Variants in CNTNAP2 observed in about 807,000 individuals in gnomAD.
CNTNAP2 encodes contactin associated protein 2, also known as contactin-associated protein-like 2.
CNTNAP2 carries 98 observed loss-of-function variants against 155.2 expected under a neutral mutation model. The observed-to-expected ratio is 0.63, with a 90% CI of 0.54 to 0.75. The LOEUF is 0.75. Ranked by LOEUF, CNTNAP2 falls within the 30% of genes least tolerant of loss-of-function variation. CNTNAP2 has a pLI of 0.00. For missense variants in CNTNAP2, 1,727 were observed against 1,688.1 expected (o/e 1.02, Z -0.40); for synonymous variants, 651 against 631.2 (o/e 1.03, Z -0.47).
chr7:146,637,019 T>A (rs1471163445), intron 1 of CNTNAP2, among the ~76,000 whole-genome samples: 6 of 152,196 alleles, frequency 3.9e-5, no homozygotes, highest in African/African-American at 1.4e-4. Flanking sequence ...AAATCTAATA[T>A]GGTATTCACA....
intron 4 of CNTNAP2, among the ~76,000 whole-genome samples, chr7:147,083,875 T>A (rs1035181075): frequency 1.4e-5 from 2 of 139,124 alleles, no homozygotes; most frequent in African/African-American, 5.3e-5. Context: ...ATGTACATAT[T>A]ATATACATAT....
chr7:146,514,662 G>GC (rs1554442811), intron 1 of CNTNAP2, among the ~76,000 whole-genome samples: 1 of 146,084 alleles, frequency 6.8e-6, no homozygotes, highest in Non-Finnish European at 1.5e-5. Context: ...AAAGAGTTTT[G>GC]TTTTTTTTTT....
In CNTNAP2 at chr7:148,417,242, G is replaced by A. The variant is rs1006113300; in HGVS notation, c.*1626G>A. 1.3e-5 allele frequency: 2 copies of A among 152,368 alleles called. No individual in the cohort carries two copies. Among genetic ancestry groups the A allele is most frequent in the African/African-American group, 4.8e-5 (2 of 41,392 alleles). 9.4% of individuals were successfully genotyped at this position (152,368 alleles called of 1,614,324 possible). A position where few individuals can be genotyped will look rare whatever the true frequency, so the allele number is the denominator to read the frequency against. ...ATAAAATGGAAATTCTAGTTTGTTA[G>A]AATTATGCATTCTTTTTCAAGATTC... On this transcript the variant is annotated 3_prime_UTR_variant, in exon 24 of 24. Transcript: ENST00000361727.
Position 147,654,827 on chromosome 7 carries a change from T to TTTTC in CNTNAP2, c.2098+15524_2098+15525insCTTT, listed in dbSNP as rs1219118593. On this transcript the variant is annotated intron_variant, in intron 13 of 23. Transcript: ENST00000361727. Reference sequence around the variant, plus strand: ...ATATTTCTTTTTTTTTTTTTTTTTTTTTTTGAGACTGAGTCTCACTCTGTC... The same window carrying TTTTC: ...ATATTTCTTTTTTTTTTTTTTTTTTTTTTCTTTTGAGACTGAGTCTCACTCTGTC... 4.5e-3 allele frequency among the ~76,000 whole-genome samples: 640 copies of TTTTC among 142,964 alleles called. 12 individuals are homozygous for TTTTC. Among genetic ancestry groups the TTTTC allele is most frequent in the African/African-American group, 0.016 (608 of 37,194 alleles). 93.8% of individuals were successfully genotyped at this position (142,964 alleles called of 152,430 possible).
intron 9 of CNTNAP2, among the ~76,000 whole-genome samples, chr7:147,380,202 T>G (rs912955989): frequency 2.6e-5 from 4 of 151,934 alleles, no homozygotes; most frequent in African/African-American, 9.7e-5. Flanking sequence ...ATTTTAGAAA[T>G]GTTTTCAGAT....
At chr7:148,095,047 C>T (rs1262146030) in intron 15 of CNTNAP2, among the ~76,000 whole-genome samples, 3 of 152,124 alleles carry the variant, frequency 2.0e-5, no homozygotes, top group Admixed American at 6.5e-5. Flanking sequence ...GAGAGAATAA[C>T]GTCCTGAAAG....
At chr7:146,920,970 T>C (rs1005679285) in intron 3 of CNTNAP2, among the ~76,000 whole-genome samples, 10 of 152,156 alleles carry the variant, frequency 6.6e-5, no homozygotes, top group Admixed American at 2.0e-4. Flanking sequence ...AGATAATAAA[T>C]GGTAGGGCAT....
At chr7:146,305,262 G>C (rs944511935) in intron 1 of CNTNAP2, among the ~76,000 whole-genome samples, 1 of 152,112 alleles carries the variant, frequency 6.6e-6, no homozygotes, top group Non-Finnish European at 1.5e-5. Context: ...GTCGTCTGAA[G>C]CCTTCTTCTC....
intron 22 of CNTNAP2, 24 bp from the exon 23 acceptor site, chr7:148,409,367 A>G: frequency 1.5e-6 from 2 of 1,378,980 alleles, no homozygotes; most frequent in Non-Finnish European, 2.0e-6. Context: ...TGACTCTGAC[A>G]CTTGACTCTT....
At chr7:147,575,368 A>G (rs2116816365) in intron 12 of CNTNAP2, among the ~76,000 whole-genome samples, 1 of 75,694 alleles carries the variant, frequency 1.3e-5, no homozygotes, top group South Asian at 5.0e-4. Context: ...CCCTAGCTTT[A>G]GGGGTGTGTG....
At chr7:147,490,023 G>A (rs923973920) in intron 11 of CNTNAP2, among the ~76,000 whole-genome samples, 13 of 152,144 alleles carry the variant, frequency 8.5e-5, no homozygotes, top group Non-Finnish European at 1.6e-4. Context: ...AATGCAAGAG[G>A]TTAAAGGATA....
At chr7:147,330,505 G>T (rs554656438) in intron 9 of CNTNAP2, among the ~76,000 whole-genome samples, 30 of 152,254 alleles carry the variant, frequency 2.0e-4, no homozygotes, top group Non-Finnish European at 2.5e-4. Context: ...TGATGGGTTG[G>T]ACTTATGATT....
At chr7:147,430,681 T>C (rs35696201) in intron 10 of CNTNAP2, among the ~76,000 whole-genome samples, 27,298 of 152,004 alleles carry the variant, frequency 0.18, 3,121 homozygotes, top group Non-Finnish European at 0.25. Context: ...TTACAGTACA[T>C]TATGATGAGT....
At chr7:146,741,589 A>G (rs1470199171) in intron 1 of CNTNAP2, among the ~76,000 whole-genome samples, 1 of 152,208 alleles carries the variant, frequency 6.6e-6, no homozygotes, top group African/African-American at 2.4e-5. Context: ...TCCCGAAAAG[A>G]CAAAGGATAT....
At chr7:147,331,298 G>A (rs1281047631) in intron 9 of CNTNAP2, among the ~76,000 whole-genome samples, 2 of 152,110 alleles carry the variant, frequency 1.3e-5, no homozygotes, top group African/African-American at 2.4e-5. Context: ...TGGCTTGGAC[G>A]ACTAGTAGAA....
At chr7:146,383,414 T>C (rs1357884092) in intron 1 of CNTNAP2, among the ~76,000 whole-genome samples, 1 of 152,158 alleles carries the variant, frequency 6.6e-6, no homozygotes, top group African/African-American at 2.4e-5. Context: ...GTCAGGTAGC[T>C]GGTTTTTAAC....
rs551440510 is a variant in CNTNAP2 at position 147,548,164 on chromosome 7, C to A, written c.1778-13974C>A. On this transcript the variant is annotated intron_variant, in intron 11 of 23. Coordinates refer to ENST00000361727, the MANE Select transcript of CNTNAP2 (RefSeq NM_014141.6). ...TCAAATGGTGTTTCTGGTTCTAGATCCTTGAGGAATTGCCACACTGTCTTC... is the reference window on the plus strand; with the variant it reads ...TCAAATGGTGTTTCTGGTTCTAGATACTTGAGGAATTGCCACACTGTCTTC... Among the ~76,000 whole-genome samples the A allele has an allele frequency of 2.0e-5, 3 of 152,282 alleles. No homozygotes were observed. In the East Asian group the frequency reaches 5.8e-4, roughly 29 times the overall value.
intron 9 of CNTNAP2, among the ~76,000 whole-genome samples, chr7:147,383,566 A>G (rs1796576008): frequency 6.6e-6 from 1 of 152,136 alleles, no homozygotes; most frequent in Non-Finnish European, 1.5e-5. Flanking sequence ...TGGGAGTTGA[A>G]CAATGAGAAC....
In CNTNAP2 at chr7:148,067,844, G is replaced by A. The variant is rs10232892; in HGVS notation, c.2384-50274G>A. Among the ~76,000 whole-genome samples the A allele has an allele frequency of 9.8e-3, 1,485 of 152,276 alleles. 31 individuals are homozygous for A. Among genetic ancestry groups the A allele is most frequent in the African/African-American group, 0.033 (1,370 of 41,554 alleles). On this transcript the variant is annotated intron_variant, in intron 15 of 23. Coordinates refer to ENST00000361727, the MANE Select transcript of CNTNAP2 (RefSeq NM_014141.6). ...TTGCTGCAGCCACTTTGAGGATGGC[G>A]GTGTGGTTCTCAGGCCAATGGAGTT...
Sources: gnomAD v4.1 joint callset for allele counts (sites outside exome capture counted in the v4.1 genomes callset) on GRCh38, gnomAD v4.1.1 for gene constraint, MANE v1.5 for transcripts, NCBI Gene and HGNC (gene_info 2026-07-23, HGNC 2026-07-21) for gene names.